The following PCDH15 variants were observed in gnomAD, a reference collection of about 807,000 sequenced individuals.
PCDH15 encodes the protein protocadherin-15.
A neutral mutation model predicts 178.5 loss-of-function variants in PCDH15; 129 were observed. The ratio of observed to expected loss-of-function variants is 0.72; its 90% confidence interval spans 0.63 to 0.84. The LOEUF is 0.84. Ranked by LOEUF, PCDH15 falls within the 40% of genes least tolerant of loss-of-function variation. The probability of loss-of-function intolerance (pLI) is 0.00; values close to 1 mark genes in which losing one functional copy is unlikely to be tolerated. For synonymous variants in PCDH15, 800 were observed against 732.0 expected (o/e 1.09, Z -1.50); for missense variants, 2,230 against 2,099.9 (o/e 1.06, Z -1.21).
At chr10:54,833,478 G>C (rs1245201031) in intron 3 of PCDH15, among the ~76,000 whole-genome samples, 1 of 152,130 alleles carries the variant, frequency 6.6e-6, no homozygotes, top group Non-Finnish European at 1.5e-5. Flanking sequence ...TTACTGAAGA[G>C]GGAGAAATTC....
intron 3 of PCDH15, among the ~76,000 whole-genome samples, chr10:54,863,918 G>A (rs890378063): frequency 6.6e-6 from 1 of 152,088 alleles, no homozygotes; most frequent in Non-Finnish European, 1.5e-5. Flanking sequence ...TAGCAGTAAT[G>A]TTTGAATACT....
chr10:55,305,177 T>C (rs1248513760), intron 1 of PCDH15, among the ~76,000 whole-genome samples: 1 of 152,188 alleles, frequency 6.6e-6, no homozygotes. Context: ...TTCATAGAAA[T>C]CATTGTATTA....
At chr10:55,278,655 A>T (rs1842654036) in intron 1 of PCDH15, among the ~76,000 whole-genome samples, 1 of 152,254 alleles carries the variant, frequency 6.6e-6, no homozygotes, top group South Asian at 2.1e-4. Context: ...AATTCATTTA[A>T]CCAGAATCAG....
At position 55,285,765 on chromosome 10, in the gene PCDH15, T is replaced by A. The variant is rs145361488; in HGVS notation, c.-156+33834A>T. Reference sequence around the variant, plus strand: ...AGATGTGGTACCTCCCTGGATTTCATCCCCTTCTCAAAGAGTTAATAGAAA... The same window carrying A: ...AGATGTGGTACCTCCCTGGATTTCAACCCCTTCTCAAAGAGTTAATAGAAA... On this transcript the variant is annotated intron_variant, in intron 1 of 5. Transcript: ENST00000458638. Among the ~76,000 whole-genome samples, 595 of 151,952 alleles carry A rather than the reference T, an allele frequency of 3.9e-3. 7 individuals are homozygous for A. Among genetic ancestry groups the A allele is most frequent in the African/African-American group, 0.013 (551 of 41,510 alleles).
intron 1 of PCDH15, among the ~76,000 whole-genome samples, chr10:54,739,573 A>G (rs1566090505): frequency 6.6e-6 from 1 of 151,796 alleles, no homozygotes; most frequent in African/African-American, 2.4e-5. Context: ...AAAAAAAAAA[A>G]AAGCTAAAAT....
chr10:55,382,356 T>G (rs1385303930), intron 2 of PCDH15, among the ~76,000 whole-genome samples: 3 of 152,108 alleles, frequency 2.0e-5, no homozygotes, highest in Non-Finnish European at 2.9e-5. Context: ...ATTAACCTGA[T>G]GAAACTAATG....
At chr10:53,911,856 C>T (rs1441215266) in intron 25 of PCDH15, among the ~76,000 whole-genome samples, 1 of 152,096 alleles carries the variant, frequency 6.6e-6, no homozygotes, top group South Asian at 2.1e-4. Flanking sequence ...CAGCCAAATT[C>T]TAATAGAGGT....
chr10:54,468,988 A>G (rs1207895819), intron 3 of PCDH15, among the ~76,000 whole-genome samples: 1 of 152,150 alleles, frequency 6.6e-6, no homozygotes, highest in Non-Finnish European at 1.5e-5. Flanking sequence ...TTCCATTTGC[A>G]TGGAATATCT....
chr10:53,866,806 T>C lies in PCDH15; in HGVS notation c.3553A>G (p.Ile1185Val). Residue 1185 changes from isoleucine to valine, a missense_variant, in exon 27 of 38, where the codon ATA becomes GTA. Ile to Val is a conservative substitution (Grantham distance 29, BLOSUM62 3). Coordinates refer to ENST00000644397, the MANE Select transcript of PCDH15 (RefSeq NM_001384140.1). The stretch of plus-strand genomic sequence containing the variant: ...TCTTTTCCCTCTTTAATTGGTGGTA[T>C]TATGAGTCTGTAGGCCATGACACTA... ...NYSVMAYRLI[I>V]PPIKEGKEGF... The C allele has an allele frequency of 6.2e-7, 1 of 1,613,480 alleles. No individual in the cohort carries two copies. The highest frequency in any genetic ancestry group is 2.2e-5 in the East Asian group (1 of 44,828).
chr10:55,606,826 C>G (rs1843229126), intron 2 of PCDH15, among the ~76,000 whole-genome samples: 1 of 146,716 alleles, frequency 6.8e-6, no homozygotes, highest in Non-Finnish European at 1.5e-5. Context: ...CCATTCAGGA[C>G]ATAGGCATGG....
intron 1 of PCDH15, among the ~76,000 whole-genome samples, chr10:54,735,662 T>G (rs1408607169): frequency 2.4e-5 from 3 of 125,836 alleles, no homozygotes; most frequent in Non-Finnish European, 5.1e-5. Flanking sequence ...GTGGCACATA[T>G]ACACCATGGA....
intron 2 of PCDH15, among the ~76,000 whole-genome samples, chr10:54,595,354 G>A (rs888448843): frequency 1.6e-4 from 25 of 152,140 alleles, no homozygotes; most frequent in African/African-American, 5.8e-4. Flanking sequence ...TTGGCCACCT[G>A]AAGTCTTCCA....
At chr10:55,536,662 C>A (rs1413957123) in intron 2 of PCDH15, among the ~76,000 whole-genome samples, 4 of 152,064 alleles carry the variant, frequency 2.6e-5, no homozygotes. Context: ...ATAAAATTGG[C>A]AATACCAGAT....
intron 2 of PCDH15, among the ~76,000 whole-genome samples, chr10:55,467,230 A>G (rs1041809571): frequency 1.3e-5 from 2 of 152,200 alleles, no homozygotes; most frequent in African/African-American, 4.8e-5. Flanking sequence ...CCAAAACAGG[A>G]AAAGAAAAAA....
chr10:55,386,757 A>G (rs1837669700), intron 2 of PCDH15, among the ~76,000 whole-genome samples: 1 of 152,106 alleles, frequency 6.6e-6, no homozygotes, highest in Admixed American at 6.6e-5. Flanking sequence ...TTAGTCTAAA[A>G]AGTGATCTTT....
chr10:55,442,470 T>TATATTATATATATATAATATATATA (rs5785132), intron 2 of PCDH15, among the ~76,000 whole-genome samples: 1,683 of 124,514 alleles, frequency 0.014, 87 homozygotes, highest in East Asian at 0.13. Context: ...TATATATATA[T>TATATTATATATATATAATATATATA]TATATATATA....
At chr10:55,319,339 A>G (rs895554890) in intron 1 of PCDH15, among the ~76,000 whole-genome samples, 5 of 152,198 alleles carry the variant, frequency 3.3e-5, no homozygotes, top group African/African-American at 1.2e-4. Context: ...GTGTGTGTCA[A>G]TTGTTAACAT....
chr10:54,774,185 C>T lies in PCDH15; in HGVS notation c.-29+26740G>A, dbSNP rs555666541. 9.2e-5 allele frequency among the ~76,000 whole-genome samples: 14 copies of T among 151,974 alleles called. No homozygotes were observed. In the East Asian group the frequency reaches 2.1e-3, roughly 23 times the overall value. The stretch of plus-strand genomic sequence containing the variant: ...CTAGGACCACAGGCGCCTGCCACCA[C>T]ACCCAGCTAATTTTTTGTATTTTTA... On this transcript the variant is annotated intron_variant, in intron 1 of 37. Transcript: ENST00000644397.
intron 15 of PCDH15, among the ~76,000 whole-genome samples, chr10:54,119,374 G>A (rs1347502787): frequency 6.6e-6 from 1 of 151,982 alleles, no homozygotes; most frequent in Non-Finnish European, 1.5e-5. Context: ...TAATAGACTG[G>A]ATCTATCAGA....
Sources: allele counts gnomAD v4.1 joint callset (sites outside exome capture counted in the v4.1 genomes callset), GRCh38; gene constraint gnomAD v4.1.1; transcripts MANE v1.5; gene names NCBI Gene and HGNC (gene_info 2026-07-23, HGNC 2026-07-21).